KCTD1: variants seen among roughly 807,000 people sequenced by gnomAD.
KCTD1 encodes BTB/POZ domain-containing protein KCTD1.
A neutral mutation model predicts 66.0 loss-of-function variants in KCTD1; 24 were observed. That is an observed-to-expected ratio of 0.36 (90% CI 0.26 to 0.51). The LOEUF (loss-of-function observed/expected upper bound fraction) is 0.51, where lower values mean the gene tolerates loss of function less well. Ranked by LOEUF, KCTD1 falls within the 20% of genes least tolerant of loss-of-function variation. KCTD1 has a pLI of 0.95. For missense variants in KCTD1, 943 were observed against 1,205.2 expected, an observed-to-expected ratio of 0.78 and a Z score of 3.22; for synonymous variants, 511 against 517.2, an observed-to-expected ratio of 0.99 and a Z score of 0.16.
intron 1 of KCTD1, among the ~76,000 whole-genome samples, chr18:26,603,237 C>T (rs955452718): frequency 6.6e-6 from 1 of 151,892 alleles, no homozygotes; most frequent in African/African-American, 2.4e-5. Flanking sequence ...TGAGATCAGC[C>T]TGGGCAACAT....
intron 2 of KCTD1, 152 bp downstream of exon 2, chr18:26,500,920 A>G: frequency 2.8e-6 from 2 of 720,102 alleles, no homozygotes; most frequent in Non-Finnish European, 4.5e-6. Flanking sequence ...CCATTGTCCA[A>G]GACATCCAGC....
chr18:26,621,405 C>T (rs1987381108), intron 1 of KCTD1, among the ~76,000 whole-genome samples: 1 of 152,038 alleles, frequency 6.6e-6, no homozygotes, highest in African/African-American at 2.4e-5. Context: ...CTAGTTGTTC[C>T]ATAAATACCT....
intron 1 of KCTD1, among the ~76,000 whole-genome samples, chr18:26,646,706 T>C (rs1368229588): frequency 6.6e-6 from 1 of 152,204 alleles, no homozygotes; most frequent in Non-Finnish European, 1.5e-5. Context: ...ACTCAGAATT[T>C]TTTTAAGAGG....
chr18:26,600,321 T>C lies in KCTD1; in HGVS notation c.-16+28826A>G, dbSNP rs1346023865. On this transcript the variant is annotated intron_variant, in intron 1 of 4. Coordinates refer to the KCTD1 transcript ENST00000317932. ...CTGGGGAAAAGGCACTTCTGAGCAA[T>C]AGCAATCTTCATGATGCCTAGGAAG... 1.9e-6 allele frequency: 3 copies of C among 1,559,816 alleles called. No individual in the cohort carries two copies. In the African/African-American group the frequency reaches 4.1e-5, roughly 21 times the overall value.
upstream of KCTD1, among the ~76,000 whole-genome samples, chr18:26,550,654 C>T (rs1412996730): frequency 6.6e-6 from 1 of 152,078 alleles, no homozygotes; most frequent in Admixed American, 6.5e-5. This position sits in a 1 kb window ranked among gnomAD's most constrained non-coding sequence, Gnocchi z 5.4. Context: ...CGGGAATCGT[C>T]CCCGAGGTGC....
At chr18:26,501,788 C>T (rs974312657) in intron 1 of KCTD1, among the ~76,000 whole-genome samples, 5 of 152,230 alleles carry the variant, frequency 3.3e-5, no homozygotes, top group African/African-American at 1.2e-4. Context: ...CATCAGCTCA[C>T]ATACTTAAAG....
chr18:26,616,462 C>CATATATATAT (rs10639008), intron 1 of KCTD1, among the ~76,000 whole-genome samples: 14 of 147,520 alleles, frequency 9.5e-5, no homozygotes, highest in African/African-American at 3.5e-4. Context: ...CCCTTACATA[C>CATATATATAT]ATATATATAT....
At chr18:26,506,904 G>A (rs1251913756) in intron 1 of KCTD1, among the ~76,000 whole-genome samples, 1 of 152,108 alleles carries the variant, frequency 6.6e-6, no homozygotes, top group Non-Finnish European at 1.5e-5. Flanking sequence ...GGTGGCTCAC[G>A]CCTGTAATTC....
chr18:26,593,649 A>AGAGGAGGAAGAGGAG (rs1986687984), intron 1 of KCTD1, among the ~76,000 whole-genome samples: 2 of 69,464 alleles, frequency 2.9e-5, no homozygotes, highest in East Asian at 6.4e-4. Flanking sequence ...AAGAGAAGGA[A>AGAGGAGGAAGAGGAG]GAGGAGGAAG....
chr18:26,472,370 G>C (rs1285727931), intron 3 of KCTD1, among the ~76,000 whole-genome samples: 2 of 152,074 alleles, frequency 1.3e-5, no homozygotes, highest in South Asian at 2.1e-4. Flanking sequence ...CATGTCTGTA[G>C]CTGTGATAAC....
intron 1 of KCTD1, among the ~76,000 whole-genome samples, chr18:26,584,225 A>G (rs1986421699): frequency 6.6e-6 from 1 of 152,216 alleles, no homozygotes; most frequent in South Asian, 2.1e-4. Flanking sequence ...GTTATCCAAT[A>G]GAGTAGCCAC....
chr18:26,636,918 A>G (rs1179180355), intron 1 of KCTD1, among the ~76,000 whole-genome samples: 1 of 152,188 alleles, frequency 6.6e-6, no homozygotes, highest in Non-Finnish European at 1.5e-5. Flanking sequence ...TATCATCCTC[A>G]TTATACAGAA....
chr18:26,615,674 C>T (rs1452989810), intron 1 of KCTD1, among the ~76,000 whole-genome samples: 1 of 152,152 alleles, frequency 6.6e-6, no homozygotes, highest in African/African-American at 2.4e-5. Context: ...AATGTGATCA[C>T]TTATCTACCT....
intron 1 of KCTD1, among the ~76,000 whole-genome samples, chr18:26,534,189 A>G (rs1984582129): frequency 6.6e-6 from 1 of 152,172 alleles, no homozygotes; most frequent in African/African-American, 2.4e-5. Flanking sequence ...CATAGAAAAT[A>G]AAATCTACTT....
intron 1 of KCTD1, among the ~76,000 whole-genome samples, chr18:26,582,768 A>T (rs182281182): frequency 6.6e-6 from 1 of 152,318 alleles, no homozygotes; most frequent in African/African-American, 2.4e-5. Flanking sequence ...TTAAGTATGA[A>T]AAAGTAGAAT....
intron 3 of KCTD1, 37 bp from the exon 4 acceptor site, chr18:26,459,962 A>T: frequency 6.8e-7 from 1 of 1,461,370 alleles, no homozygotes; most frequent in Non-Finnish European, 9.2e-7. Flanking sequence ...TGCAAACTGC[A>T]AACATAAAGT....
intron 3 of KCTD1, among the ~76,000 whole-genome samples, chr18:26,473,593 ATAG>A (rs1191847355): frequency 5.1e-5 from 7 of 135,968 alleles, no homozygotes; most frequent in Non-Finnish European, 1.6e-5. Flanking sequence ...AATAATAATA[ATAG>A]TAAAAAAGAA....
intron 1 of KCTD1, among the ~76,000 whole-genome samples, chr18:26,588,925 G>A (rs1448181752): frequency 1.3e-5 from 2 of 152,118 alleles, no homozygotes; most frequent in Non-Finnish European, 2.9e-5. Flanking sequence ...ATATGGAAGA[G>A]GTCCATGCGG....
chr18:26,561,559 C>G (rs1239950866), intron 1 of KCTD1, among the ~76,000 whole-genome samples: 1 of 152,098 alleles, frequency 6.6e-6, no homozygotes, highest in African/African-American at 2.4e-5. Flanking sequence ...GTCTTCTTAC[C>G]ACGCCCACCT....
Sources: gnomAD v4.1 joint callset for allele counts (sites outside exome capture counted in the v4.1 genomes callset) on GRCh38, gnomAD v4.1.1 for gene constraint, Gnocchi (gnomAD v3.1) non-coding constraint, MANE v1.5 for transcripts, NCBI Gene and HGNC (gene_info 2026-07-23, HGNC 2026-07-21) for gene names.